The following CNTNAP5 variants were observed in gnomAD, a reference collection of about 807,000 sequenced individuals.
CNTNAP5 encodes the protein contactin associated protein family member 5, also known as contactin-associated protein-like 5.
Under a neutral mutation model 150.2 loss-of-function variants are expected in CNTNAP5, and 72 were observed. That is an observed-to-expected ratio of 0.48 (90% CI 0.40 to 0.58). CNTNAP5 has a LOEUF of 0.58. CNTNAP5 is among the 20% of genes least tolerant of loss of function. The pLI, the probability that CNTNAP5 is intolerant of heterozygous loss-of-function variation, is 0.00. For synonymous variants in CNTNAP5, 672 were observed against 619.8 expected, an observed-to-expected ratio of 1.08 and a Z score of -1.25; for missense variants, 1,636 against 1,626.2, an observed-to-expected ratio of 1.01 and a Z score of -0.10.
At chr2:124,484,755 GCA>G (rs1693833954) in intron 7 of CNTNAP5, among the ~76,000 whole-genome samples, 2 of 152,176 alleles carry the variant, frequency 1.3e-5, no homozygotes, top group African/African-American at 4.8e-5. Context: ...ATTTTATAGG[GCA>G]CACACACCCC....
chr2:124,408,908 G>A (rs999683697), intron 3 of CNTNAP5, among the ~76,000 whole-genome samples: 34 of 152,164 alleles, frequency 2.2e-4, no homozygotes, highest in African/African-American at 8.0e-4. Context: ...CGAGCTGAGA[G>A]AAGGAGGCTT....
intron 13 of CNTNAP5, among the ~76,000 whole-genome samples, chr2:124,690,336 T>G (rs1260005206): frequency 6.6e-6 from 1 of 152,108 alleles, no homozygotes; most frequent in Non-Finnish European, 1.5e-5. Flanking sequence ...TCCTCATGCA[T>G]AGTTTTTCCT....
At chr2:124,026,645 C>A (rs1423706575) in intron 1 of CNTNAP5, among the ~76,000 whole-genome samples, 2 of 152,208 alleles carry the variant, frequency 1.3e-5, no homozygotes, top group African/African-American at 4.8e-5. Flanking sequence ...AGAAAGAATG[C>A]AATTAAGCCA....
chr2:124,488,467 T>TC (rs1413932424), intron 7 of CNTNAP5, among the ~76,000 whole-genome samples: 6 of 152,256 alleles, frequency 3.9e-5, no homozygotes, highest in Non-Finnish European at 7.3e-5. Context: ...GAATCTGCTT[T>TC]CCATTAGTGG....
At chr2:124,130,551 G>T (rs1241523552) in intron 1 of CNTNAP5, among the ~76,000 whole-genome samples, 4 of 151,996 alleles carry the variant, frequency 2.6e-5, no homozygotes, top group Non-Finnish European at 5.9e-5. Context: ...ATGAGGCTTG[G>T]CTGGGCCAGA....
At chr2:124,638,849 T>A (rs750223218) in intron 12 of CNTNAP5, among the ~76,000 whole-genome samples, 1 of 152,234 alleles carries the variant, frequency 6.6e-6, no homozygotes, top group African/African-American at 2.4e-5. Flanking sequence ...TTTACAGAGA[T>A]CTTATGTATT....
intron 21 of CNTNAP5, among the ~76,000 whole-genome samples, chr2:124,884,516 A>G (rs1022285206): frequency 6.6e-6 from 1 of 152,030 alleles, no homozygotes; most frequent in African/African-American, 2.4e-5. Context: ...TCATGTTTCA[A>G]AAGGAAGTGT....
chr2:124,419,038 G>A (rs902490528), intron 4 of CNTNAP5, among the ~76,000 whole-genome samples: 3 of 147,930 alleles, frequency 2.0e-5, no homozygotes, highest in African/African-American at 7.4e-5. Flanking sequence ...GGAGGCTGAG[G>A]CAGGAGAATG....
intron 1 of CNTNAP5, among the ~76,000 whole-genome samples, chr2:124,139,256 C>T (rs993290148): frequency 8.9e-6 from 1 of 112,644 alleles, no homozygotes; most frequent in Non-Finnish European, 1.8e-5. Flanking sequence ...CCTCTTATTT[C>T]TACCCCAACA....
Position 124,600,180 on chromosome 2 carries a change from T to G in CNTNAP5, c.1757-9621T>G, listed in dbSNP as rs1349667608. On this transcript the variant is annotated intron_variant, in intron 11 of 23. Coordinates refer to ENST00000682447, the MANE Select transcript of CNTNAP5 (RefSeq NM_001367498.1). The stretch of plus-strand genomic sequence containing the variant: ...GTTTCCTTACACTCCTCATGAAGAA[T>G]AGTAAATGGTTTTTTTTTTATTTTT... Among the ~76,000 whole-genome samples the G allele has an allele frequency of 2.7e-5, 4 of 145,810 alleles. No homozygotes were observed. The East Asian group carries it at 7.9e-4, about 29-fold the overall frequency.
chr2:124,094,927 C>T (rs1682900036), intron 1 of CNTNAP5, among the ~76,000 whole-genome samples: 1 of 152,166 alleles, frequency 6.6e-6, no homozygotes, highest in Admixed American at 6.5e-5. Flanking sequence ...AGAAAGAATC[C>T]ACCATGGTGG....
At chr2:124,848,547 C>A (rs1473222230) in intron 19 of CNTNAP5, among the ~76,000 whole-genome samples, 1 of 152,066 alleles carries the variant, frequency 6.6e-6, no homozygotes, top group African/African-American at 2.4e-5. Context: ...TATAGTAGTT[C>A]TCTTTTTAAT....
intron 11 of CNTNAP5, among the ~76,000 whole-genome samples, chr2:124,608,953 A>G (rs1244615894): frequency 2.0e-5 from 3 of 152,080 alleles, no homozygotes; most frequent in East Asian, 3.9e-4. Context: ...AAGAAAAAAA[A>G]AAAAAGAAAA....
intron 1 of CNTNAP5, among the ~76,000 whole-genome samples, chr2:124,074,693 A>C (rs1682396120): frequency 6.6e-6 from 1 of 152,092 alleles, no homozygotes; most frequent in Non-Finnish European, 1.5e-5. Context: ...TTCTGAGTGG[A>C]GAATGTGGAA....
intron 3 of CNTNAP5, among the ~76,000 whole-genome samples, chr2:124,284,318 G>A (rs1376012100): frequency 6.6e-6 from 1 of 152,134 alleles, no homozygotes; most frequent in African/African-American, 2.4e-5. Flanking sequence ...TTCTAGATGG[G>A]TCAGGGAGGC....
intron 3 of CNTNAP5, among the ~76,000 whole-genome samples, chr2:124,256,722 G>A (rs1687324950): frequency 6.6e-6 from 1 of 152,238 alleles, no homozygotes; most frequent in Non-Finnish European, 1.5e-5. Context: ...GAAGAACAAA[G>A]TCACTCTTCT....
rs551369042 is a variant in CNTNAP5, at chr2:124,682,308, A to T, written c.2077+34350A>T. Among the ~76,000 whole-genome samples the T allele has an allele frequency of 3.3e-5, 5 of 152,252 alleles. No homozygotes were observed. The East Asian group carries it at 9.7e-4, about 29-fold the overall frequency. The stretch of plus-strand genomic sequence containing the variant: ...CTTATGCAGCTGAGAGGTCATCAAC[A>T]ATGTGCTGTCGTTTTGGTCATGCGC... On this transcript the variant is annotated intron_variant, in intron 13 of 23. Coordinates refer to ENST00000682447, the MANE Select transcript of CNTNAP5 (RefSeq NM_001367498.1).
intron 3 of CNTNAP5, among the ~76,000 whole-genome samples, chr2:124,306,148 T>A (rs766915044): frequency 3.3e-5 from 5 of 152,174 alleles, no homozygotes; most frequent in Non-Finnish European, 7.3e-5. Context: ...GGTTAGTTTA[T>A]CTAGCTTGTA....
intron 21 of CNTNAP5, among the ~76,000 whole-genome samples, chr2:124,890,725 T>G (rs1345426698): frequency 6.6e-6 from 1 of 152,134 alleles, no homozygotes; most frequent in Non-Finnish European, 1.5e-5. Context: ...GTAGAGCTTC[T>G]AATTTTATAT....
Sources: allele counts gnomAD v4.1 joint callset (sites outside exome capture counted in the v4.1 genomes callset), GRCh38; gene constraint gnomAD v4.1.1; transcripts MANE v1.5; gene names NCBI Gene and HGNC (gene_info 2026-07-23, HGNC 2026-07-21).